LARGE1: variants seen among roughly 807,000 people sequenced by gnomAD.
LARGE1 encodes xylosyl- and glucuronyltransferase LARGE1.
Under a neutral mutation model 87.6 loss-of-function variants are expected in LARGE1, and 43 were observed. That is an observed-to-expected ratio of 0.49 (90% CI 0.38 to 0.63). The LOEUF is 0.63. Ranked by LOEUF, LARGE1 falls within the 30% of genes least tolerant of loss-of-function variation. The pLI, the probability that LARGE1 is intolerant of heterozygous loss-of-function variation, is 0.00. For synonymous variants in LARGE1, 434 were observed against 394.6 expected (o/e 1.10, Z -1.18); for missense variants, 802 against 1,000.2 (o/e 0.80, Z 2.67).
chr22:33,528,429 C>T (rs2072023308), intron 6 of LARGE1, among the ~76,000 whole-genome samples: 1 of 152,134 alleles, frequency 6.6e-6, no homozygotes, highest in South Asian at 2.1e-4. Flanking sequence ...TAAAAGGAGA[C>T]ACGTGCCCAT....
intron 12 of LARGE1, among the ~76,000 whole-genome samples, chr22:33,285,810 C>T (rs1053741204): frequency 2.0e-5 from 3 of 151,462 alleles, no homozygotes; most frequent in Admixed American, 6.6e-5. Context: ...GGGTGGCAGT[C>T]CCAGAAGGAC....
At chr22:33,450,724 G>A (rs2147912599) in intron 6 of LARGE1, among the ~76,000 whole-genome samples, 1 of 152,314 alleles carries the variant, frequency 6.6e-6, no homozygotes, top group South Asian at 2.1e-4. Context: ...TATAACTGAT[G>A]AAACTGACTT....
the LARGE1 span, among the ~76,000 whole-genome samples, chr22:33,111,564 C>T: frequency 6.6e-6 from 1 of 152,166 alleles, no homozygotes; most frequent in Non-Finnish European, 1.5e-5. Context: ...TTCAGCCTCA[C>T]TGACAATTCC....
At chr22:33,106,433 C>T in the LARGE1 span, among the ~76,000 whole-genome samples, 4 of 151,936 alleles carry the variant, frequency 2.6e-5, no homozygotes, top group South Asian at 2.1e-4. Flanking sequence ...GGGCTTTAGC[C>T]GGAAATTCAA....
intron 5 of LARGE1, among the ~76,000 whole-genome samples, chr22:33,602,365 T>A (rs2079135004): frequency 6.6e-6 from 1 of 152,138 alleles, no homozygotes; most frequent in East Asian, 1.9e-4. Context: ...ACTGTGATTG[T>A]ACCACATCAT....
chr22:33,601,439 G>A (rs1436837413), intron 5 of LARGE1, among the ~76,000 whole-genome samples: 2 of 152,182 alleles, frequency 1.3e-5, no homozygotes, highest in Non-Finnish European at 2.9e-5. Context: ...TGTCAGGCTG[G>A]TGGAGTAGGC....
intron 1 of LARGE1, among the ~76,000 whole-genome samples, chr22:33,771,322 T>C (rs1198793786): frequency 6.6e-6 from 1 of 152,110 alleles, no homozygotes; most frequent in Non-Finnish European, 1.5e-5. Flanking sequence ...TTCAGATGAA[T>C]GCAACCCTCC....
downstream of LARGE1, among the ~76,000 whole-genome samples, chr22:33,161,731 C>T (rs1417845488): frequency 6.6e-6 from 1 of 152,202 alleles, no homozygotes; most frequent in East Asian, 1.9e-4. Context: ...GGCAGCTCTG[C>T]CCCTATGGCT....
intron 2 of LARGE1, among the ~76,000 whole-genome samples, chr22:33,706,428 A>C (rs1265573998): frequency 6.6e-6 from 1 of 152,208 alleles, no homozygotes; most frequent in East Asian, 1.9e-4. Context: ...AGAAAGCAGC[A>C]AGAGTATCCT....
intron 7 of LARGE1, among the ~76,000 whole-genome samples, chr22:33,403,101 G>A (rs1436313299): frequency 2.0e-5 from 3 of 152,142 alleles, no homozygotes; most frequent in African/African-American, 7.2e-5. Flanking sequence ...ATCTACATCT[G>A]TGCCTTTCAG....
At chr22:33,473,055 A>C (rs1569194975) in intron 6 of LARGE1, among the ~76,000 whole-genome samples, 1 of 152,206 alleles carries the variant, frequency 6.6e-6, no homozygotes, top group South Asian at 2.1e-4. Context: ...TTTAATGCTA[A>C]AATTGGGAAA....
At chr22:33,843,265 G>A in intron 1 of LARGE1, among the ~76,000 whole-genome samples, 1 of 151,954 alleles carries the variant, frequency 6.6e-6, no homozygotes, top group African/African-American at 2.4e-5. Context: ...AGGCAGAGAG[G>A]GTGGCTGTAA....
At chr22:33,543,138 T>A (rs2077258012) in intron 6 of LARGE1, among the ~76,000 whole-genome samples, 1 of 152,122 alleles carries the variant, frequency 6.6e-6, no homozygotes, top group South Asian at 2.1e-4. Flanking sequence ...ATTTATTTTT[T>A]AATTGATCTC....
chr22:33,139,969 G>A, the LARGE1 span, among the ~76,000 whole-genome samples: 1 of 152,186 alleles, frequency 6.6e-6, no homozygotes, highest in Non-Finnish European at 1.5e-5. Context: ...TTATGATCAG[G>A]AAACTGGGCT....
chr22:33,068,909 G>T, the LARGE1 span, among the ~76,000 whole-genome samples: 7 of 152,180 alleles, frequency 4.6e-5, no homozygotes, highest in Non-Finnish European at 8.8e-5. Context: ...TGGACTCAGG[G>T]CTGCGGCTGC....
At chr22:33,464,361 C>T (rs902863150) in intron 6 of LARGE1, among the ~76,000 whole-genome samples, 7 of 151,736 alleles carry the variant, frequency 4.6e-5, no homozygotes, top group African/African-American at 1.2e-4. Flanking sequence ...CATGTAAGAC[C>T]GTAAAAAAAA....
intron 2 of LARGE1, among the ~76,000 whole-genome samples, chr22:33,751,497 A>G (rs2084314742): frequency 6.7e-6 from 1 of 149,880 alleles, no homozygotes. Context: ...AAAAAAAAAA[A>G]CAAAAACAAA....
At chr22:33,243,405 C>T (rs962136239) in intron 11 of LARGE1, among the ~76,000 whole-genome samples, 21 of 152,162 alleles carry the variant, frequency 1.4e-4, no homozygotes, top group African/African-American at 4.8e-4. Context: ...TTCCCCAACC[C>T]AATCACCATT....
the LARGE1 span, among the ~76,000 whole-genome samples, chr22:33,097,769 C>A: frequency 2.0e-5 from 3 of 152,170 alleles, no homozygotes; most frequent in Admixed American, 2.0e-4. Flanking sequence ...TCCTGATTGT[C>A]AGTTTCTTCA....
Sources: allele counts gnomAD v4.1 joint callset (sites outside exome capture counted in the v4.1 genomes callset), GRCh38; gene constraint gnomAD v4.1.1; transcripts MANE v1.5; gene names NCBI Gene and HGNC (gene_info 2026-07-23, HGNC 2026-07-21).